FER1L6: variants seen among roughly 807,000 people sequenced by gnomAD.
The protein encoded by FER1L6 is fer-1-like protein 6.
In FER1L6, 177 loss-of-function variants were observed where a neutral mutation model predicts 219.2. That is an observed-to-expected ratio of 0.81 (90% CI 0.71 to 0.91). The LOEUF is 0.91. Among genes scored for constraint, FER1L6 ranks in the 40% least tolerant of loss-of-function variants. FER1L6 has a pLI of 0.00. For synonymous variants in FER1L6, 768 were observed against 824.3 expected, an observed-to-expected ratio of 0.93 and a Z score of 1.17; for missense variants, 2,153 against 2,259.9, an observed-to-expected ratio of 0.95 and a Z score of 0.96.
intron 18 of FER1L6, among the ~76,000 whole-genome samples, chr8:124,030,141 A>G (rs1247347663): frequency 6.6e-6 from 1 of 152,178 alleles, no homozygotes; most frequent in Non-Finnish European, 1.5e-5. Flanking sequence ...TTTTGGTACC[A>G]GTACCATGTG....
chr8:124,010,134 G>A (rs759133591), intron 13 of FER1L6, among the ~76,000 whole-genome samples: 1 of 151,906 alleles, frequency 6.6e-6, no homozygotes, highest in South Asian at 2.1e-4. Context: ...TTTTAGGGTC[G>A]TGGAGCTGCA....
chr8:123,976,327 C>G (rs1816071245), intron 9 of FER1L6, among the ~76,000 whole-genome samples: 2 of 152,034 alleles, frequency 1.3e-5, no homozygotes, highest in South Asian at 4.2e-4. Context: ...ATGGCAAAAC[C>G]CTGTCTCAAC....
At chr8:123,974,497 G>A (rs1219326024) in intron 7 of FER1L6, among the ~76,000 whole-genome samples, 3 of 151,436 alleles carry the variant, frequency 2.0e-5, no homozygotes, top group Admixed American at 6.6e-5. Context: ...TTAGCTGGGC[G>A]TGATGGTGCA....
intron 27 of FER1L6, 117 bp from the exon 28 acceptor site, chr8:124,067,650 G>C (rs370054319): frequency 6.4e-6 from 6 of 934,522 alleles, no homozygotes; most frequent in South Asian, 1.6e-5. Context: ...CTTACAGACT[G>C]TTTGAATACT....
At chr8:123,869,946 AAAG>A (rs1816897936) in intron 1 of FER1L6, among the ~76,000 whole-genome samples, 1 of 152,248 alleles carries the variant, frequency 6.6e-6, no homozygotes, top group Non-Finnish European at 1.5e-5. Context: ...TTGGATAGAG[AAAG>A]AAGACTTTTC....
At position 124,023,607 on chromosome 8, in the gene FER1L6, A is replaced by G. The variant is rs1297444614; in HGVS notation, c.2286+11A>G. 10 of 1,613,576 alleles carry G rather than the reference A, an allele frequency of 6.2e-6. No homozygotes were observed. Among genetic ancestry groups the G allele is most frequent in the Non-Finnish European group, 8.5e-6 (10 of 1,179,740 alleles). On this transcript the variant is annotated intron_variant, in intron 18 of 40. Transcript: ENST00000522917. ...ACTCACTTCCTCAAAGTAAGTGTGC[A>G]GTATTTTAACTAAAAGAAGGGAGAT...
At chr8:123,977,707 T>C (rs1200487537) in intron 10 of FER1L6, 98 bp downstream of exon 10, 3 of 1,086,760 alleles carry the variant, frequency 2.8e-6, no homozygotes, top group Non-Finnish European at 4.0e-6. Flanking sequence ...GTCCCCAGCC[T>C]TTCTGGCACC....
chr8:124,104,129 A>G (rs1822660911), intron 39 of FER1L6, among the ~76,000 whole-genome samples: 1 of 152,072 alleles, frequency 6.6e-6, no homozygotes. Flanking sequence ...GTCTAGTTCT[A>G]TTGTATTTTC....
At position 124,078,693 on chromosome 8, in the gene FER1L6, G is replaced by A. The variant is rs1821395713; in HGVS notation, c.4220+2368G>A. Among the ~76,000 whole-genome samples, 5 of 29,870 alleles carry A rather than the reference G, an allele frequency of 1.7e-4. No homozygotes were observed. In the South Asian group the frequency reaches 5.2e-3, roughly 31 times the overall value. 19.6% of individuals were successfully genotyped at this position (29,870 alleles called of 152,430 possible). On this transcript the variant is annotated intron_variant, in intron 32 of 40. Coordinates refer to ENST00000522917, the MANE Select transcript of FER1L6 (RefSeq NM_001039112.2). ...CTGCTGCAAGTCCTGTGAAGACCCTGGGAAGGCATCCCAGGTGGGATGGGA... is the reference window on the plus strand; with the variant it reads ...CTGCTGCAAGTCCTGTGAAGACCCTAGGAAGGCATCCCAGGTGGGATGGGA...
chr8:124,023,999 T>C (rs1009870796), intron 18 of FER1L6, among the ~76,000 whole-genome samples: 4 of 151,116 alleles, frequency 2.6e-5, no homozygotes, highest in Non-Finnish European at 4.4e-5. Context: ...CGGATTCAAG[T>C]GATTCTCCTG....
At chr8:124,033,418 G>T (rs1294976520) in intron 18 of FER1L6, among the ~76,000 whole-genome samples, 2 of 151,984 alleles carry the variant, frequency 1.3e-5, no homozygotes, top group African/African-American at 4.8e-5. Context: ...ATAAGTTGAG[G>T]GTGATTTGTC....
In FER1L6 at chr8:124,069,151, T is replaced by C. The variant is rs1820956293; in HGVS notation, c.3719-209T>C. ...CGGGGTTTCACCGTGTTAGCCAGGA[T>C]GGTCTCGATCTCCTGACCTTGTGAT... On this transcript the variant is annotated intron_variant, in intron 28 of 40. Coordinates refer to ENST00000522917, the MANE Select transcript of FER1L6 (RefSeq NM_001039112.2). Among the ~76,000 whole-genome samples the C allele has an allele frequency of 1.3e-5, 2 of 151,952 alleles. 1 individual carries two copies. Among genetic ancestry groups the C allele is most frequent in the East Asian group, 3.9e-4 (2 of 5,168 alleles).
At chr8:124,019,436 G>A (rs1381196814) in intron 16 of FER1L6, among the ~76,000 whole-genome samples, 1 of 152,144 alleles carries the variant, frequency 6.6e-6, no homozygotes, top group East Asian at 1.9e-4. Flanking sequence ...ACCATGTATT[G>A]TTTTCACCTC....
chr8:123,913,839 G>GAA (rs531900414), intron 1 of FER1L6, among the ~76,000 whole-genome samples: 1 of 140,976 alleles, frequency 7.1e-6, no homozygotes. Flanking sequence ...TAATTTTCTT[G>GAA]AAAAAAAAAA....
At chr8:123,966,385 C>T in intron 5 of FER1L6, 95 bp downstream of exon 5, 1 of 1,494,236 alleles carries the variant, frequency 6.7e-7, no homozygotes, top group Non-Finnish European at 9.1e-7. Flanking sequence ...TGTGCCCCTC[C>T]TGCCTCCCTC....
At chr8:123,996,874 A>C (rs575823309) in intron 12 of FER1L6, among the ~76,000 whole-genome samples, 1 of 152,230 alleles carries the variant, frequency 6.6e-6, no homozygotes, top group South Asian at 2.1e-4. Flanking sequence ...TGATTGTATA[A>C]AGAAGCAAAA....
intron 19 of FER1L6, 33 bp downstream of exon 19, chr8:124,035,487 G>A (rs373856187): frequency 1.1e-5 from 18 of 1,584,498 alleles, no homozygotes; most frequent in African/African-American, 2.7e-5. Context: ...AGGGTCATTC[G>A]AGGTCTCAGG....
At chr8:123,876,921 C>T (rs1483072945) in intron 1 of FER1L6, among the ~76,000 whole-genome samples, 1 of 152,212 alleles carries the variant, frequency 6.6e-6, no homozygotes, top group Non-Finnish European at 1.5e-5. Flanking sequence ...CATGTTACTT[C>T]CTAAGGGAAG....
At chr8:123,923,348 T>C (rs1813434670) in intron 1 of FER1L6, among the ~76,000 whole-genome samples, 1 of 152,224 alleles carries the variant, frequency 6.6e-6, no homozygotes. Context: ...TGCACGGCCA[T>C]TGGCTTTGAT....
Sources: gnomAD v4.1 joint callset for allele counts (sites outside exome capture counted in the v4.1 genomes callset) on GRCh38, gnomAD v4.1.1 for gene constraint, MANE v1.5 for transcripts, NCBI Gene and HGNC (gene_info 2026-07-23, HGNC 2026-07-21) for gene names.